Variants in SGCD observed in about 807,000 individuals in gnomAD.
SGCD encodes sarcoglycan delta.
SGCD carries 18 observed loss-of-function variants against 36.6 expected under a neutral mutation model. The ratio of observed to expected loss-of-function variants is 0.49; its 90% CI spans 0.34 to 0.73. The LOEUF is 0.73. SGCD is among the 30% of genes least tolerant of loss of function. The pLI is 0.01. For missense variants in SGCD, 387 were observed against 346.7 expected, an observed-to-expected ratio of 1.12 and a Z score of -0.92; for synonymous variants, 133 against 130.6, an observed-to-expected ratio of 1.02 and a Z score of -0.12.
chr5:156,609,223 G>C (rs908705879), intron 6 of SGCD, among the ~76,000 whole-genome samples: 9 of 152,088 alleles, frequency 5.9e-5, no homozygotes, highest in South Asian at 2.1e-4. Flanking sequence ...TTCCGGAGCT[G>C]TTTTAGGGCA....
At chr5:156,327,829 T>C (rs1464927980) in intron 1 of SGCD, among the ~76,000 whole-genome samples, 1 of 152,234 alleles carries the variant, frequency 6.6e-6, no homozygotes, top group Non-Finnish European at 1.5e-5. Context: ...AGTGATATAT[T>C]TGCCTAGAAT....
intron 6 of SGCD, among the ~76,000 whole-genome samples, chr5:156,643,216 G>A (rs901430128): frequency 9.2e-5 from 14 of 151,898 alleles, no homozygotes; most frequent in Non-Finnish European, 1.5e-5. Context: ...ATTTTCAGTA[G>A]AGATGGGATT....
At chr5:156,592,200 C>T (rs1412352343) in intron 5 of SGCD, among the ~76,000 whole-genome samples, 4 of 151,960 alleles carry the variant, frequency 2.6e-5, no homozygotes, top group African/African-American at 7.3e-5. Flanking sequence ...GAAGTCCAAG[C>T]ATGTGTGTCC....
chr5:156,626,845 A>G (rs1450602617), intron 6 of SGCD, among the ~76,000 whole-genome samples: 3 of 152,126 alleles, frequency 2.0e-5, no homozygotes, highest in African/African-American at 7.2e-5. Context: ...CTAAAAAGGC[A>G]GCTCTTCTTG....
At chr5:156,309,187 A>G (rs192721321) in intron 3 of SGCD, among the ~76,000 whole-genome samples, 1 of 152,124 alleles carries the variant, frequency 6.6e-6, no homozygotes, top group East Asian at 1.9e-4. Context: ...TTTTTCATCA[A>G]ATTTGGGAAG....
chr5:156,228,730 A>AT (rs944302871), intron 3 of SGCD, among the ~76,000 whole-genome samples: 2 of 147,856 alleles, frequency 1.4e-5, no homozygotes, highest in South Asian at 2.1e-4. Context: ...TTTAAATTCT[A>AT]TTTTTTGTTT....
At chr5:156,207,838 G>T (rs1459169341) in intron 3 of SGCD, among the ~76,000 whole-genome samples, 1 of 152,016 alleles carries the variant, frequency 6.6e-6, no homozygotes, top group South Asian at 2.1e-4. Context: ...TATATATAAT[G>T]TAATTGATCA....
At chr5:156,395,431 C>T (rs1771794472) in intron 3 of SGCD, among the ~76,000 whole-genome samples, 1 of 152,216 alleles carries the variant, frequency 6.6e-6, no homozygotes, top group African/African-American at 2.4e-5. Context: ...TATTGTTTAG[C>T]TTCCTGGATT....
chr5:155,757,421 C>A, the SGCD span, among the ~76,000 whole-genome samples: 1 of 152,210 alleles, frequency 6.6e-6, no homozygotes, highest in South Asian at 2.1e-4. Context: ...TATGTAAAAC[C>A]TCATTTAATC....
intron 1 of SGCD, among the ~76,000 whole-genome samples, chr5:155,891,701 A>T (rs1756135316): frequency 6.6e-6 from 1 of 151,858 alleles, no homozygotes; most frequent in Non-Finnish European, 1.5e-5. Context: ...CAGAAAAATG[A>T]CATTGAAGTT....
intron 1 of SGCD, among the ~76,000 whole-genome samples, chr5:155,953,230 A>C (rs1757578777): frequency 6.6e-6 from 1 of 152,072 alleles, no homozygotes; most frequent in Admixed American, 6.6e-5. Flanking sequence ...GTTTCTTGAA[A>C]GCACAATTTA....
At chr5:156,292,604 T>C (rs1199346630) in intron 3 of SGCD, among the ~76,000 whole-genome samples, 1 of 152,166 alleles carries the variant, frequency 6.6e-6, no homozygotes, top group East Asian at 1.9e-4. Flanking sequence ...CCATTATTTT[T>C]TGAGTATATA....
upstream of SGCD, among the ~76,000 whole-genome samples, chr5:156,325,681 T>A (rs1767787653): frequency 6.6e-6 from 1 of 152,190 alleles, no homozygotes; most frequent in South Asian, 2.1e-4. Context: ...ATTAACTGTC[T>A]TTAAAACCCT....
At chr5:156,453,524 G>A (rs1356030057) in intron 3 of SGCD, among the ~76,000 whole-genome samples, 3 of 152,166 alleles carry the variant, frequency 2.0e-5, no homozygotes, top group Non-Finnish European at 4.4e-5. Context: ...GTAGGTGGGT[G>A]GATAAACCAG....
At chr5:156,610,843 G>A (rs190666808) in intron 6 of SGCD, among the ~76,000 whole-genome samples, 1 of 152,258 alleles carries the variant, frequency 6.6e-6, no homozygotes, top group Non-Finnish European at 1.5e-5. Flanking sequence ...CTCCAGGCCA[G>A]GCGCAGGATA....
Position 156,511,999 on chromosome 5 carries a change from G to A in SGCD, c.294+3297G>A, listed in dbSNP as rs945207353. 5.3e-5 allele frequency among the ~76,000 whole-genome samples: 8 copies of A among 152,178 alleles called. No homozygotes were observed. In the South Asian group the frequency reaches 1.7e-3, roughly 32 times the overall value. On this transcript the variant is annotated intron_variant, in intron 4 of 8. Coordinates refer to ENST00000337851, the MANE Select transcript of SGCD (RefSeq NM_000337.6). ...TCAAGAGGTCAGGAGTTCGAGACCA[G>A]CCTGGCCAAGATGGTGCAACCCTGT... is the stretch of plus-strand genomic sequence containing the variant.
At chr5:156,227,342 G>A (rs949099236) in intron 3 of SGCD, among the ~76,000 whole-genome samples, 6 of 152,126 alleles carry the variant, frequency 3.9e-5, no homozygotes, top group Non-Finnish European at 7.4e-5. Flanking sequence ...TCTCAGCACC[G>A]TTTGTTGAAA....
the SGCD span, among the ~76,000 whole-genome samples, chr5:155,789,712 AATACTT>A: frequency 6.6e-6 from 1 of 152,134 alleles, no homozygotes; most frequent in Non-Finnish European, 1.5e-5. Context: ...TTCAAAACAT[AATACTT>A]TAAAAAACAC....
intron 5 of SGCD, among the ~76,000 whole-genome samples, chr5:156,589,605 A>G (rs965967177): frequency 4.6e-5 from 7 of 152,208 alleles, no homozygotes; most frequent in African/African-American, 1.7e-4. Flanking sequence ...CAGCTGCTTC[A>G]TCAGGTGCTC....
Sources: gnomAD v4.1 joint callset for allele counts (sites outside exome capture counted in the v4.1 genomes callset) on GRCh38, gnomAD v4.1.1 for gene constraint, MANE v1.5 for transcripts, NCBI Gene and HGNC (gene_info 2026-07-23, HGNC 2026-07-21) for gene names.